YEATS2: variants seen among roughly 807,000 people sequenced by gnomAD.
YEATS2 encodes YEATS domain-containing protein 2.
Under a neutral mutation model 163.2 loss-of-function variants are expected in YEATS2, and 77 were observed. The ratio of observed to expected loss-of-function variants is 0.47; its 90% CI spans 0.39 to 0.57. YEATS2 has a LOEUF of 0.57. YEATS2 is among the 20% of genes least tolerant of loss of function. The pLI is 0.00. For synonymous variants in YEATS2, 631 were observed against 645.1 expected, an observed-to-expected ratio of 0.98 and a Z score of 0.33; for missense variants, 1,549 against 1,729.8, an observed-to-expected ratio of 0.90 and a Z score of 1.85.
In YEATS2 at chr3:183,777,645, A is replaced by G. The variant is rs1414070367; in HGVS notation, c.2681A>G (p.Gln894Arg). ...CTGGGAGTCAGCACATCTTCTGCAC[A>G]AGGACAACAAACGCTAAAAGTCATC... is the stretch of plus-strand genomic sequence containing the variant. ...GTLGVSTSSA[Q>R]GQQTLKVISG... The change falls in exon 19 of 31, where the codon CAA becomes CGA. Residue 894 changes from glutamine to arginine, a missense_variant. Physicochemically the swap from Gln to Arg is conservative, Grantham distance 43. Coordinates refer to ENST00000305135, the MANE Select transcript of YEATS2 (RefSeq NM_018023.5). 1 of 1,614,238 alleles carries G rather than the reference A, an allele frequency of 6.2e-7. No homozygotes were observed. Among genetic ancestry groups the G allele is most frequent in the East Asian group, 2.2e-5 (1 of 44,890 alleles).
chr3:183,791,026 G>A (rs1372503438), intron 21 of YEATS2, 46 bp downstream of exon 21: 16 of 1,589,378 alleles, frequency 1.0e-5, no homozygotes, highest in Non-Finnish European at 1.3e-5. Context: ...CTCTCATTGG[G>A]CTGGAATATT....
At chr3:183,748,311 G>A (rs895419514) in intron 9 of YEATS2, among the ~76,000 whole-genome samples, 5 of 147,664 alleles carry the variant, frequency 3.4e-5, no homozygotes, top group Non-Finnish European at 1.5e-5. Flanking sequence ...CTGGAGTGCA[G>A]TGGAGCAATC....
rs1715707544 is a variant in YEATS2 at position 183,715,178 on chromosome 3, C to T, written c.16C>T (p.Arg6Ter). The change falls in exon 2 of 31, where the codon CGA (arginine) becomes TGA (stop). Residue 6 changes from arginine (R) to a stop codon, truncating the protein, a stop_gained. Transcript: ENST00000305135. LOFTEE classifies it high-confidence loss of function. MSGIK[R>*]TIKETDPDYE... ...GAATGTCATCATGTCTGGAATCAAG[C>T]GAACCATCAAAGAAACCGACCCTGA... 3.1e-6 allele frequency: 5 copies of T among 1,612,618 alleles called. No individual in the cohort carries two copies. The highest frequency in any genetic ancestry group is 1.3e-5 in the African/African-American group (1 of 74,704).
At chr3:183,736,862 A>T in intron 8 of YEATS2, 33 bp downstream of exon 8, 1 of 1,578,440 alleles carries the variant, frequency 6.3e-7, no homozygotes, top group Non-Finnish European at 8.7e-7. Context: ...CCTAGTTTTG[A>T]AGTCTCTTTT....
intron 15 of YEATS2, among the ~76,000 whole-genome samples, chr3:183,771,541 GC>G (rs371899183): frequency 0.31 from 15,797 of 50,618 alleles, 3,312 homozygotes; most frequent in East Asian, 0.55. Flanking sequence ...TATTATTCTT[GC>G]CTTTTTTTTT....
intron 7 of YEATS2, among the ~76,000 whole-genome samples, chr3:183,735,008 C>G (rs2109149551): frequency 6.6e-6 from 1 of 152,100 alleles, no homozygotes; most frequent in East Asian, 1.9e-4. Flanking sequence ...TTTTTTGCTT[C>G]TAAAAATATG....
intron 7 of YEATS2, among the ~76,000 whole-genome samples, chr3:183,733,161 G>A (rs1289353587): frequency 1.3e-5 from 2 of 152,222 alleles, no homozygotes; most frequent in South Asian, 2.1e-4. Flanking sequence ...GTGAATTATT[G>A]AATTCATGAA....
chr3:183,701,071 G>GTGTGTA (rs1553853687), intron 1 of YEATS2, among the ~76,000 whole-genome samples: 2 of 146,676 alleles, frequency 1.4e-5, no homozygotes, highest in Admixed American at 6.8e-5. Context: ...GTGTGTGTGT[G>GTGTGTA]TATATATATA....
At chr3:183,783,991 G>A (rs141505248) in intron 19 of YEATS2, among the ~76,000 whole-genome samples, 316 of 152,158 alleles carry the variant, frequency 2.1e-3, no homozygotes, top group Middle Eastern at 0.014. Context: ...CAGCACCCTC[G>A]ACCTCCTGGG....
chr3:183,700,855 A>G (rs962094447), intron 1 of YEATS2, among the ~76,000 whole-genome samples: 2 of 151,572 alleles, frequency 1.3e-5, no homozygotes, highest in African/African-American at 2.4e-5. Flanking sequence ...GAAACAGGCA[A>G]GTTTATCCAC....
At chr3:183,731,907 T>C (rs1477847379) in intron 7 of YEATS2, among the ~76,000 whole-genome samples, 2 of 152,246 alleles carry the variant, frequency 1.3e-5, no homozygotes, top group Admixed American at 1.3e-4. Context: ...CACATACTTT[T>C]CCCATAGCAA....
intron 29 of YEATS2, 181 bp downstream of exon 29, chr3:183,808,285 A>C (rs1726431965): frequency 3.4e-6 from 2 of 584,774 alleles, no homozygotes; most frequent in Non-Finnish European, 6.0e-6. Flanking sequence ...AAATGGACTA[A>C]GTTATGTTTC....
At chr3:183,753,664 C>T (rs536086772) in intron 10 of YEATS2, among the ~76,000 whole-genome samples, 2 of 152,288 alleles carry the variant, frequency 1.3e-5, no homozygotes, top group South Asian at 4.2e-4. Flanking sequence ...ACAAGAATTG[C>T]TTGAACCCGG....
Position 183,797,939 on chromosome 3 carries a change from C to T in YEATS2, c.3114C>T (p.His1038=), listed in dbSNP as rs950383774. ...KATVSGLLKI[H]SSQSSPQQAV... is the part of the protein sequence containing the mutation. ...TTGTTCTAGGACTGTTAAAGATTCA[C>T]TCCAGTCAGTCCAGTCCGCAGCAGG... is the stretch of plus-strand genomic sequence containing the variant. Residue 1038 remains histidine, a synonymous_variant, in exon 22 of 31, where the codon CAC becomes CAT. Transcript: ENST00000305135. 1 of 1,614,116 alleles carries T rather than the reference C, an allele frequency of 6.2e-7. No individual in the cohort carries two copies. The highest frequency in any genetic ancestry group is 1.1e-5 in the South Asian group (1 of 91,084).
chr3:183,781,256 A>C (rs1577180010), intron 19 of YEATS2, among the ~76,000 whole-genome samples: 1 of 152,178 alleles, frequency 6.6e-6, no homozygotes, highest in Non-Finnish European at 1.5e-5. Flanking sequence ...AGGCCTGCGA[A>C]CTGGTGGGCA....
chr3:183,804,248 G>A (rs2108526756), intron 27 of YEATS2, 60 bp downstream of exon 27: 1 of 1,591,012 alleles, frequency 6.3e-7, no homozygotes, highest in East Asian at 2.2e-5. Flanking sequence ...TGCTGAGGTA[G>A]AGAGAGATGA....
At chr3:183,791,015 T>C (rs770149560) in intron 21 of YEATS2, 35 bp downstream of exon 21, 1 of 1,598,472 alleles carries the variant, frequency 6.3e-7, no homozygotes, top group Non-Finnish European at 8.6e-7. Flanking sequence ...CTCTCTCTTT[T>C]CTCTCATTGG....
intron 27 of YEATS2, chr3:183,806,155 T>C (rs944722016): frequency 2.6e-6 from 1 of 380,250 alleles, no homozygotes; most frequent in African/African-American, 2.1e-5. Flanking sequence ...GATAAGGCCA[T>C]CGTAAGTTGA....
chr3:183,768,872 A>T (rs1156557639), intron 15 of YEATS2, among the ~76,000 whole-genome samples: 1 of 152,104 alleles, frequency 6.6e-6, no homozygotes, highest in Non-Finnish European at 1.5e-5. Flanking sequence ...CTCAGGAGGC[A>T]AAGGCAGGAG....
Sources: gnomAD v4.1 joint callset for allele counts (sites outside exome capture counted in the v4.1 genomes callset) on GRCh38, gnomAD v4.1.1 for gene constraint, MANE v1.5 for transcripts, NCBI Gene and HGNC (gene_info 2026-07-23, HGNC 2026-07-21) for gene names.